The following DCC variants were observed in gnomAD, a reference collection of about 807,000 sequenced individuals.
DCC encodes the protein DCC netrin 1 receptor, also known as netrin receptor DCC.
In DCC, 58 loss-of-function variants were observed where a neutral mutation model predicts 172.5. The observed-to-expected ratio is 0.34, with a 90% CI of 0.27 to 0.42. The LOEUF (loss-of-function observed/expected upper bound fraction) is 0.42, where lower values mean the gene tolerates loss of function less well. Among genes scored for constraint, DCC ranks in the 10% least tolerant of loss-of-function variants. The pLI, the probability that DCC is intolerant of heterozygous loss-of-function variation, is 1.00. For synonymous variants in DCC, 709 were observed against 644.5 expected, an observed-to-expected ratio of 1.10 and a Z score of -1.52; for missense variants, 1,740 against 1,791.0, an observed-to-expected ratio of 0.97 and a Z score of 0.51.
At chr18:52,871,797 A>T (rs974000319) in intron 2 of DCC, among the ~76,000 whole-genome samples, 1 of 152,226 alleles carries the variant, frequency 6.6e-6, no homozygotes, top group Non-Finnish European at 1.5e-5. Context: ...CCAAAAATTT[A>T]TGAATATTCA....
At chr18:52,961,194 T>C (rs1272040222) in intron 5 of DCC, among the ~76,000 whole-genome samples, 1 of 152,112 alleles carries the variant, frequency 6.6e-6, no homozygotes, top group Non-Finnish European at 1.5e-5. Context: ...TAATGTTAAA[T>C]GAAGAGTTAA....
intron 8 of DCC, among the ~76,000 whole-genome samples, chr18:53,173,233 T>A (rs1193251203): frequency 1.3e-5 from 2 of 152,106 alleles, no homozygotes; most frequent in Non-Finnish European, 2.9e-5. Context: ...TACTTTAGAT[T>A]ACTATTGAAT....
At chr18:53,514,723 C>G (rs1221646726) in intron 27 of DCC, among the ~76,000 whole-genome samples, 1 of 152,076 alleles carries the variant, frequency 6.6e-6, no homozygotes, top group African/African-American at 2.4e-5. Flanking sequence ...TTCCTCAACA[C>G]ATACACTCTC....
chr18:53,217,184 G>A (rs1219319287), intron 12 of DCC, among the ~76,000 whole-genome samples: 1 of 151,472 alleles, frequency 6.6e-6, no homozygotes, highest in African/African-American at 2.4e-5. Flanking sequence ...AATGACCCTG[G>A]ATGCTAACTG....
chr18:52,710,051 G>A (rs150688477), intron 1 of DCC, among the ~76,000 whole-genome samples: 2 of 152,190 alleles, frequency 1.3e-5, no homozygotes, highest in South Asian at 4.1e-4. Flanking sequence ...TTTTTTAAAG[G>A]TCTTAAAAGT....
chr18:53,036,714 A>G (rs1003068588), intron 5 of DCC, among the ~76,000 whole-genome samples: 1 of 152,030 alleles, frequency 6.6e-6, no homozygotes, highest in African/African-American at 2.4e-5. Flanking sequence ...CCCTAATCCT[A>G]TCTGCTTTTT....
At chr18:53,192,419 T>C (rs980596864) in intron 9 of DCC, among the ~76,000 whole-genome samples, 1 of 152,090 alleles carries the variant, frequency 6.6e-6, no homozygotes. Context: ...AAAAAAGTAC[T>C]GTAGCACAGT....
chr18:53,152,675 G>T (rs1013672493), intron 7 of DCC, among the ~76,000 whole-genome samples: 2 of 152,128 alleles, frequency 1.3e-5, no homozygotes, highest in African/African-American at 4.8e-5. Flanking sequence ...AACAGTAATG[G>T]GCCAGAGAGA....
chr18:52,663,220 G>C (rs186626072), intron 1 of DCC, among the ~76,000 whole-genome samples: 2 of 152,242 alleles, frequency 1.3e-5, no homozygotes, highest in East Asian at 3.9e-4. Flanking sequence ...CAATAATTTT[G>C]CATCCTAAGT....
intron 1 of DCC, among the ~76,000 whole-genome samples, chr18:52,430,607 T>C (rs1219292338): frequency 6.6e-6 from 1 of 152,136 alleles, no homozygotes; most frequent in Non-Finnish European, 1.5e-5. Context: ...GTAAAAATAC[T>C]CATTAATTCT....
chr18:53,394,360 C>T (rs1908776136), intron 17 of DCC, among the ~76,000 whole-genome samples: 1 of 152,124 alleles, frequency 6.6e-6, no homozygotes, highest in Non-Finnish European at 1.5e-5. Flanking sequence ...TCAGGTGACC[C>T]AATGGCATCA....
intron 5 of DCC, among the ~76,000 whole-genome samples, chr18:52,930,489 C>T (rs916808093): frequency 1.3e-5 from 2 of 152,114 alleles, no homozygotes; most frequent in African/African-American, 4.8e-5. Context: ...TTTATTTGCT[C>T]ATATCTGAAG....
intron 7 of DCC, among the ~76,000 whole-genome samples, chr18:53,070,726 T>C (rs2042640595): frequency 1.3e-5 from 2 of 152,170 alleles, no homozygotes; most frequent in African/African-American, 4.8e-5. Context: ...GTATTTGGCA[T>C]TGGATTCAAA....
intron 2 of DCC, among the ~76,000 whole-genome samples, chr18:52,901,896 A>G (rs2039814604): frequency 6.6e-6 from 1 of 152,222 alleles, no homozygotes; most frequent in African/African-American, 2.4e-5. Context: ...TCAAGCTTTT[A>G]TTTATACACT....
intron 15 of DCC, among the ~76,000 whole-genome samples, chr18:53,385,420 T>C (rs1013804357): frequency 6.6e-6 from 1 of 152,204 alleles, no homozygotes; most frequent in African/African-American, 2.4e-5. Flanking sequence ...GCAGCTTGCT[T>C]TCTGAATTTT....
chr18:53,506,859 C>A (rs1444750278), intron 27 of DCC, among the ~76,000 whole-genome samples: 39 of 133,344 alleles, frequency 2.9e-4, no homozygotes, highest in Admixed American at 6.0e-4. Flanking sequence ...GACTCCATCT[C>A]AAAAAAAAAA....
chr18:52,426,428 C>T (rs377614600), intron 1 of DCC, among the ~76,000 whole-genome samples: 2 of 151,578 alleles, frequency 1.3e-5, no homozygotes, highest in African/African-American at 4.8e-5. Flanking sequence ...GGTGTAAGGA[C>T]CCAGTGGGCA....
chr18:52,598,558 G>A (rs948590), intron 1 of DCC, among the ~76,000 whole-genome samples: 58,542 of 151,966 alleles, frequency 0.39, 11,395 homozygotes, highest in African/African-American at 0.42. Context: ...GGAGGTAAAC[G>A]GTGGCCAGGA....
chr18:53,401,652 A>T (rs2339639), intron 18 of DCC, among the ~76,000 whole-genome samples: 36,367 of 132,034 alleles, frequency 0.28, 4,837 homozygotes, highest in East Asian at 0.43. Context: ...CAGAATTTTT[A>T]TGTGGAGACC....
Sources: allele counts gnomAD v4.1 joint callset (sites outside exome capture counted in the v4.1 genomes callset), GRCh38; gene constraint gnomAD v4.1.1; transcripts MANE v1.5; gene names NCBI Gene and HGNC (gene_info 2026-07-23, HGNC 2026-07-21).